The following TRPS1 variants were observed in gnomAD, a reference collection of about 807,000 sequenced individuals.
The protein encoded by TRPS1 is zinc finger transcription factor Trps1.
A neutral mutation model predicts 101.2 loss-of-function variants in TRPS1; 6 were observed. The ratio of observed to expected loss-of-function variants is 0.06; its 90% CI spans 0.03 to 0.12. The LOEUF is 0.12. TRPS1 is among the 10% of genes least tolerant of loss of function. The probability of loss-of-function intolerance (pLI) is 1.00; values close to 1 mark genes in which losing one functional copy is unlikely to be tolerated. For missense variants in TRPS1, 1,363 were observed against 1,567.0 expected (o/e 0.87, Z 2.20); for synonymous variants, 578 against 589.8 (o/e 0.98, Z 0.29).
At chr8:115,419,449 G>GA (rs1191039673) in intron 5 of TRPS1, among the ~76,000 whole-genome samples, 6 of 151,788 alleles carry the variant, frequency 4.0e-5, no homozygotes, top group Non-Finnish European at 7.4e-5. Context: ...AGCCTTTAAT[G>GA]ATAAAATATG....
intron 5 of TRPS1, among the ~76,000 whole-genome samples, chr8:115,510,210 A>G (rs936786992): frequency 4.0e-5 from 6 of 151,884 alleles, no homozygotes; most frequent in Non-Finnish European, 7.4e-5. Flanking sequence ...GTAACAGCAA[A>G]CCAACCTGTG....
At chr8:115,498,401 CTCTCTCTCTCTCTCTA>C (rs1469309859) in intron 5 of TRPS1, among the ~76,000 whole-genome samples, 27 of 85,420 alleles carry the variant, frequency 3.2e-4, no homozygotes, top group Admixed American at 2.7e-4. Flanking sequence ...CTCTCTCTCT[CTCTCTCTCTCTCTCTA>C]TATATATATA....
At chr8:115,502,823 C>T (rs1235095704) in intron 5 of TRPS1, among the ~76,000 whole-genome samples, 1 of 152,086 alleles carries the variant, frequency 6.6e-6, no homozygotes. Context: ...TATTCATTAC[C>T]AGGCACAGTG....
intron 5 of TRPS1, among the ~76,000 whole-genome samples, chr8:115,581,826 A>C (rs937457503): frequency 3.9e-5 from 6 of 152,210 alleles, no homozygotes; most frequent in African/African-American, 1.2e-4. Context: ...TTAAAATCTA[A>C]ACTAAAACAT....
chr8:115,648,597 G>A (rs1411682009), intron 1 of TRPS1, among the ~76,000 whole-genome samples: 1 of 152,158 alleles, frequency 6.6e-6, no homozygotes, highest in Admixed American at 6.5e-5. Flanking sequence ...AAAGAAAATG[G>A]AATGCTATTT....
rs1220861116 is a variant in TRPS1 at position 115,409,235 on chromosome 8, G to A, written c.*4788C>T. On this transcript the variant is annotated 3_prime_UTR_variant, in exon 7 of 7. Coordinates refer to ENST00000395715, the MANE Select transcript of TRPS1 (RefSeq NM_014112.5). ...GGAACCTGAGGCACAAAAAGAAAAA[G>A]TGATATGCTGCAGTTTATATGTTGG... 1 of 106,392 alleles carries A rather than the reference G, an allele frequency of 9.4e-6. No individual in the cohort carries two copies. The highest frequency in any genetic ancestry group is 1.8e-5 in the Non-Finnish European group (1 of 55,536). The allele number at this position is 106,392 out of a possible 1,614,324, so 6.6% of individuals were successfully genotyped here. A position where few individuals can be genotyped will look rare whatever the true frequency, so the allele number is the denominator to read the frequency against.
At chr8:115,417,008 G>T (rs1451761769) in intron 6 of TRPS1, among the ~76,000 whole-genome samples, 1 of 152,006 alleles carries the variant, frequency 6.6e-6, no homozygotes. Flanking sequence ...TCAATGTATG[G>T]TTTTTTAAAA....
At chr8:115,567,182 A>C (rs1230013042) in intron 5 of TRPS1, among the ~76,000 whole-genome samples, 1 of 152,164 alleles carries the variant, frequency 6.6e-6, no homozygotes, top group Non-Finnish European at 1.5e-5. Flanking sequence ...ATGAATAAAA[A>C]GATTCACCAC....
intron 1 of TRPS1, 106 bp from the exon 2 acceptor site, chr8:115,623,864 A>C: frequency 9.2e-7 from 1 of 1,086,028 alleles, no homozygotes; most frequent in Non-Finnish European, 1.2e-6. Context: ...AGGCTGCCTG[A>C]AAGATATAAA....
At chr8:115,511,075 T>C (rs2130185749) in intron 5 of TRPS1, 1 of 152,030 alleles carries the variant, frequency 6.6e-6, no homozygotes, top group South Asian at 2.1e-4. Flanking sequence ...AGTATACACG[T>C]CAAGAACTTA....
At chr8:115,529,423 A>G (rs1816077395) in intron 5 of TRPS1, among the ~76,000 whole-genome samples, 1 of 152,138 alleles carries the variant, frequency 6.6e-6, no homozygotes, top group African/African-American at 2.4e-5. Flanking sequence ...CATTATTAAT[A>G]TTGCTTCCAT....
At chr8:115,515,083 A>G in intron 5 of TRPS1, 1 of 587,306 alleles carries the variant, frequency 1.7e-6, no homozygotes, top group Non-Finnish European at 3.0e-6. Context: ...AGGACTCAAG[A>G]GAAATGAAGT....
intron 5 of TRPS1, among the ~76,000 whole-genome samples, chr8:115,516,406 T>C (rs1815712564): frequency 6.6e-6 from 1 of 151,550 alleles, no homozygotes; most frequent in Admixed American, 6.6e-5. Context: ...TGTCACACAA[T>C]GTGAGTGAAA....
intron 5 of TRPS1, among the ~76,000 whole-genome samples, chr8:115,508,739 T>A (rs1233796080): frequency 6.6e-6 from 1 of 151,980 alleles, no homozygotes; most frequent in Non-Finnish European, 1.5e-5. Context: ...AAAACCTTTC[T>A]CTTGTAACTT....
In TRPS1 at chr8:115,471,587, T is replaced by C. The variant is rs192384513; in HGVS notation, c.2701-53135A>G. 4.3e-4 allele frequency among the ~76,000 whole-genome samples: 66 copies of C among 152,212 alleles called. 1 individual carries two copies. Among genetic ancestry groups the C allele is most frequent in the African/African-American group, 1.5e-3 (63 of 41,532 alleles). ...GCCCTCACATTTCAAAACACAATCA[T>C]GACTTCCCAACAGTTCCCCAATGTC... On this transcript the variant is annotated intron_variant, in intron 5 of 6. Coordinates refer to ENST00000395715, the MANE Select transcript of TRPS1 (RefSeq NM_014112.5).
At chr8:115,456,540 A>C (rs1814029956) in intron 5 of TRPS1, among the ~76,000 whole-genome samples, 1 of 152,208 alleles carries the variant, frequency 6.6e-6, no homozygotes, top group African/African-American at 2.4e-5. Flanking sequence ...AGGATTAAGT[A>C]ACAGAATAAA....
At chr8:115,461,337 A>G (rs1325198061) in intron 5 of TRPS1, among the ~76,000 whole-genome samples, 1 of 152,064 alleles carries the variant, frequency 6.6e-6, no homozygotes, top group African/African-American at 2.4e-5. Context: ...ACATACATAC[A>G]TACATACCCA....
At chr8:115,576,646 G>GA (rs1479665427) in intron 5 of TRPS1, among the ~76,000 whole-genome samples, 1 of 151,928 alleles carries the variant, frequency 6.6e-6, no homozygotes, top group Non-Finnish European at 1.5e-5. Flanking sequence ...AGAGCAAAAA[G>GA]AAAAAATAAC....
chr8:115,604,389 C>A lies in TRPS1; in HGVS notation c.1580G>T (p.Gly527Val). 6.2e-7 allele frequency: 1 copy of A among 1,614,032 alleles called. No individual in the cohort carries two copies. The highest frequency in any genetic ancestry group is 8.5e-7 in the Non-Finnish European group (1 of 1,179,988). The part of the protein sequence containing the change: ...GAKKKDFSSK[G>V]AEDNMVTSYN... ...GCTCGTTACCATATTATCCTCGGCT[C>A]CCTTGCTGGAGAAGTCCTTCTTTTT... The change falls in exon 4 of 7, where the codon GGA (glycine) becomes GTA (valine). Residue 527 changes from glycine to valine, a missense_variant. Gly to Val is a moderately radical substitution (Grantham distance 109). Transcript: ENST00000395715. The surrounding 1 kb of genome is among the most constrained non-coding windows in gnomAD (Gnocchi z 4.1).
Sources: gnomAD v4.1 joint callset for allele counts (sites outside exome capture counted in the v4.1 genomes callset) on GRCh38, gnomAD v4.1.1 for gene constraint, Gnocchi (gnomAD v3.1) non-coding constraint, MANE v1.5 for transcripts, NCBI Gene and HGNC (gene_info 2026-07-23, HGNC 2026-07-21) for gene names.